Variants in FAM222B observed in about 807,000 individuals in gnomAD.
The protein encoded by FAM222B is protein FAM222B.
In FAM222B, 12 loss-of-function variants were observed where a neutral mutation model predicts 38.0. The ratio of observed to expected loss-of-function variants is 0.32; its 90% CI spans 0.20 to 0.51. The LOEUF is 0.51. Among genes scored for constraint, FAM222B ranks in the 20% least tolerant of loss-of-function variants. The pLI, the probability that FAM222B is intolerant of heterozygous loss-of-function variation, is 0.97. For synonymous variants in FAM222B, 329 were observed against 317.2 expected, an observed-to-expected ratio of 1.04 and a Z score of -0.40; for missense variants, 716 against 754.2, an observed-to-expected ratio of 0.95 and a Z score of 0.59.
At chr17:28,787,902 GC>G (rs2036489755) in intron 1 of FAM222B, among the ~76,000 whole-genome samples, 1 of 140,936 alleles carries the variant, frequency 7.1e-6, no homozygotes, top group Non-Finnish European at 1.5e-5. Context: ...TTGGCTCACC[GC>G]AACCTCCACC....
chr17:28,789,678 C>G (rs538475151), intron 1 of FAM222B, among the ~76,000 whole-genome samples: 2 of 152,182 alleles, frequency 1.3e-5, no homozygotes, highest in South Asian at 4.1e-4. Flanking sequence ...CCAACAGGGC[C>G]TACTCTTGGT....
chr17:28,794,288 G>A (rs1225294712), intron 1 of FAM222B, among the ~76,000 whole-genome samples: 2 of 150,844 alleles, frequency 1.3e-5, no homozygotes, highest in Non-Finnish European at 3.0e-5. Context: ...GTGCGATCTC[G>A]GCTCACAGCA....
intron 1 of FAM222B, among the ~76,000 whole-genome samples, chr17:28,821,476 CA>C (rs1285137660): frequency 6.6e-6 from 1 of 152,132 alleles, no homozygotes; most frequent in Non-Finnish European, 1.5e-5. Context: ...CCCAACAAGC[CA>C]AAATGGTCCT....
At chr17:28,814,799 A>G (rs2037949888) in intron 1 of FAM222B, among the ~76,000 whole-genome samples, 1 of 134,790 alleles carries the variant, frequency 7.4e-6, no homozygotes, top group African/African-American at 2.8e-5. Context: ...TTGAGATAAG[A>G]GTCTCGATCT....
intron 1 of FAM222B, among the ~76,000 whole-genome samples, chr17:28,773,433 C>T (rs1030350377): frequency 8.0e-6 from 1 of 125,690 alleles, no homozygotes; most frequent in African/African-American, 3.0e-5. Context: ...GAGCTTAGAT[C>T]ACATCATTGC....
chr17:28,781,150 T>C (rs1392861384), intron 1 of FAM222B, among the ~76,000 whole-genome samples: 1 of 151,952 alleles, frequency 6.6e-6, no homozygotes, highest in Non-Finnish European at 1.5e-5. Context: ...ACAATGAAAT[T>C]AGCTGGGCAT....
upstream of FAM222B, among the ~76,000 whole-genome samples, chr17:28,844,217 C>G (rs909325387): frequency 6.6e-6 from 1 of 152,160 alleles, no homozygotes. Context: ...ACTAAACTCT[C>G]TCCTCATCAC....
intron 1 of FAM222B, among the ~76,000 whole-genome samples, chr17:28,773,479 C>CAAAA (rs66716142): frequency 1.8e-4 from 11 of 60,744 alleles, no homozygotes; most frequent in South Asian, 7.9e-4. Context: ...AACTCTGTCT[C>CAAAA]AAAAAAAAAA....
Position 28,758,781 on chromosome 17 carries a change from G to T in FAM222B, c.1178C>A (p.Ala393Glu), listed in dbSNP as rs762239819. 6.4e-7 allele frequency: 1 copy of T among 1,574,376 alleles called. No individual in the cohort carries two copies. Among genetic ancestry groups the T allele is most frequent in the Admixed American group, 1.8e-5 (1 of 54,368 alleles). The change falls in exon 3 of 3, where the codon GCG becomes GAG. Residue 393 changes from alanine to glutamate, a missense_variant. Coordinates refer to ENST00000581407, the MANE Select transcript of FAM222B (RefSeq NM_001077498.3). ...TPAPGLTGKH[A>E]AGRELAGPGF... ...AGGCCCTGCCAACTCGCGTCCTGCC[G>T]CATGCTTGCCTGTCAGGCCAGGGGC...
upstream of FAM222B, among the ~76,000 whole-genome samples, chr17:28,846,324 AC>A (rs1204270434): frequency 1.3e-5 from 2 of 151,898 alleles, no homozygotes; most frequent in African/African-American, 4.8e-5. Flanking sequence ...AGCCTAGACT[AC>A]ACTACACCGC....
intron 1 of FAM222B, among the ~76,000 whole-genome samples, chr17:28,853,941 C>CTTTTTTTTTTT (rs34393247): frequency 8.3e-6 from 1 of 119,980 alleles, no homozygotes; most frequent in Non-Finnish European, 1.7e-5. Context: ...ATCTCTGTTT[C>CTTTTTTTTTTT]TTTTTTTTTT....
In FAM222B at chr17:28,758,821, C is replaced by T. The variant is rs34269353; in HGVS notation, c.1138G>A (p.Ala380Thr). ...AGGCCAGGGGCTGGCGTCCCACTAG[C>T]CTCGCTGCACATCTGCTGTAGGTGG... ...LAHLQQMCSE[A>T]SGTPAPGLTG... The change falls in exon 3 of 3, where the codon GCT becomes ACT. Residue 380 changes from alanine (A) to threonine (T), a missense_variant. Physicochemically the swap from Ala to Thr is moderately conservative, Grantham distance 58. Coordinates refer to ENST00000581407, the MANE Select transcript of FAM222B (RefSeq NM_001077498.3). 13 of 1,589,174 alleles carry T rather than the reference C, an allele frequency of 8.2e-6. No individual in the cohort carries two copies. The highest frequency in any genetic ancestry group is 1.0e-5 in the Non-Finnish European group (12 of 1,167,932).
At chr17:28,778,719 ATTTTT>A (rs59098589) in intron 1 of FAM222B, among the ~76,000 whole-genome samples, 1 of 25,494 alleles carries the variant, frequency 3.9e-5, no homozygotes, top group Non-Finnish European at 6.7e-5. Context: ...ATATATATAT[ATTTTT>A]TTTTTTTTTT....
exon 1 of FAM222B, chr17:28,854,966 G>A: frequency 6.7e-7 from 1 of 1,499,010 alleles, no homozygotes; most frequent in Non-Finnish European, 8.9e-7. Context: ...CCTACTCGCT[G>A]GTTCGTCAGC....
Position 28,759,624 on chromosome 17 carries a change from A to G in FAM222B, c.335T>C (p.Ile112Thr), listed in dbSNP as rs776972509. ...LAIVKVPAKS[I>T]LKDFDGTRAR... The stretch of plus-strand genomic sequence containing the variant: ...TCGGGTGCCGTCAAAGTCCTTGAGT[A>G]TGCTTTTGGCTGGCACTTTGACAAT... The change falls in exon 3 of 3, where the codon ATA becomes ACA. Residue 112 changes from isoleucine to threonine, a missense_variant. Transcript: ENST00000581407. This position sits in a 1 kb window ranked among gnomAD's most constrained non-coding sequence, Gnocchi z 4.8. The G allele has an allele frequency of 6.2e-7, 1 of 1,613,016 alleles. No homozygotes were observed.
intron 1 of FAM222B, among the ~76,000 whole-genome samples, chr17:28,836,193 T>C (rs893309526): frequency 2.0e-5 from 3 of 151,334 alleles, no homozygotes; most frequent in African/African-American, 7.3e-5. Context: ...TTTCACCATA[T>C]TGGCCAGGCT....
intron 1 of FAM222B, among the ~76,000 whole-genome samples, chr17:28,816,650 CAAT>C (rs1367415855): frequency 1.3e-5 from 2 of 151,128 alleles, no homozygotes; most frequent in African/African-American, 4.9e-5. Context: ...CAAAAAAAAA[CAAT>C]GATTGCACCC....
At chr17:28,779,841 T>C (rs4287615) in intron 1 of FAM222B, among the ~76,000 whole-genome samples, 2 of 151,904 alleles carry the variant, frequency 1.3e-5, no homozygotes, top group African/African-American at 4.8e-5. Context: ...ACTCAACAAA[T>C]TGGGTATAAA....
At chr17:28,765,619 G>C (rs1248310935) in intron 2 of FAM222B, among the ~76,000 whole-genome samples, 1 of 152,144 alleles carries the variant, frequency 6.6e-6, no homozygotes, top group Admixed American at 6.6e-5. Context: ...TACTATACAT[G>C]GTAATGTGCC....
Sources: gnomAD v4.1 joint callset for allele counts (sites outside exome capture counted in the v4.1 genomes callset) on GRCh38, gnomAD v4.1.1 for gene constraint, Gnocchi (gnomAD v3.1) non-coding constraint, MANE v1.5 for transcripts, NCBI Gene and HGNC (gene_info 2026-07-23, HGNC 2026-07-21) for gene names.